ZNF69: variants seen among roughly 807,000 people sequenced by gnomAD.
ZNF69 encodes the protein zinc finger protein 69, also known as ZNF3.
Under a neutral mutation model 50.9 loss-of-function variants are expected in ZNF69, and 47 were observed. That is an observed-to-expected ratio of 0.92 (90% CI 0.73 to 1.18). The LOEUF is 1.18. Ranked by LOEUF, ZNF69 falls within the 50% of genes most tolerant of loss-of-function variation. ZNF69 has a pLI of 0.00. For synonymous variants in ZNF69, 216 were observed against 223.1 expected (o/e 0.97, Z 0.29); for missense variants, 717 against 675.1 (o/e 1.06, Z -0.69).
At chr19:11,951,251 G>GAT in the ZNF69 span, among the ~76,000 whole-genome samples, 1 of 117,238 alleles carries the variant, frequency 8.5e-6, no homozygotes, top group Non-Finnish European at 1.7e-5. Flanking sequence ...TTTTTTTTCT[G>GAT]ATAGTCTCAT....
exon 5 of ZNF69, chr19:11,913,940 T>G (rs949893281): frequency 2.6e-5 from 4 of 152,200 alleles, no homozygotes; most frequent in African/African-American, 9.7e-5. Context: ...TTTAGAAATA[T>G]AGTTACAAAA....
chr19:11,890,656 C>T (rs969029174), intron 1 of ZNF69, among the ~76,000 whole-genome samples: 7 of 152,192 alleles, frequency 4.6e-5, no homozygotes, highest in African/African-American at 1.7e-4. Context: ...GATGGGGTTT[C>T]ACCATGTTGG....
the ZNF69 span, chr19:11,965,191 A>G: frequency 6.2e-7 from 1 of 1,614,046 alleles, no homozygotes; most frequent in Non-Finnish European, 8.5e-7. Context: ...GGACCCCAGG[A>G]CATCTGAAAG....
intron 1 of ZNF69, among the ~76,000 whole-genome samples, chr19:11,892,135 ATTTTTTTTTTT>A: frequency 8.8e-6 from 1 of 113,920 alleles, no homozygotes; most frequent in African/African-American, 3.5e-5. Context: ...CTCCTGGCTG[ATTTTTTTTTTT>A]TTTTTTTTTT....
chr19:11,950,511 T>A, the ZNF69 span: 1 of 582,438 alleles, frequency 1.7e-6, no homozygotes, highest in Non-Finnish European at 3.2e-6. Context: ...TGAAAGGACT[T>A]ACACTGGAGT....
At chr19:11,925,102 G>A in the ZNF69 span, 2 of 1,319,030 alleles carry the variant, frequency 1.5e-6, no homozygotes. Context: ...GGAGGGGGTC[G>A]CTTTCCTCAC....
chr19:11,948,907 A>G, the ZNF69 span: 1 of 1,605,742 alleles, frequency 6.2e-7, no homozygotes, highest in Non-Finnish European at 8.5e-7. Flanking sequence ...TTCCTATCAT[A>G]GACATGAAAG....
the ZNF69 span, among the ~76,000 whole-genome samples, chr19:11,944,013 A>G: frequency 6.6e-6 from 1 of 151,898 alleles, no homozygotes; most frequent in Admixed American, 6.6e-5. Context: ...CTCTACCTTC[A>G]CGGTGGTGTG....
downstream of ZNF69, among the ~76,000 whole-genome samples, chr19:11,917,076 C>T (rs2145259680): frequency 6.6e-6 from 1 of 152,270 alleles, no homozygotes; most frequent in East Asian, 1.9e-4. Flanking sequence ...GATGCAGTTG[C>T]TGAGAAGTAC....
chr19:11,934,481 T>G, the ZNF69 span, among the ~76,000 whole-genome samples: 3 of 148,428 alleles, frequency 2.0e-5, no homozygotes, highest in Admixed American at 2.0e-4. Context: ...CACCAGGTAT[T>G]TGCTGCTGCC....
chr19:11,892,359 T>G (rs958443778), intron 1 of ZNF69, among the ~76,000 whole-genome samples: 1 of 152,052 alleles, frequency 6.6e-6, no homozygotes, highest in Admixed American at 6.6e-5. Context: ...TATTTCCTTT[T>G]CAATTTAAAA....
At chr19:11,921,493 T>C in the ZNF69 span, among the ~76,000 whole-genome samples, 3 of 150,836 alleles carry the variant, frequency 2.0e-5, no homozygotes, top group Non-Finnish European at 4.4e-5. Context: ...TTCTTTTGTT[T>C]GTTTGTTTGT....
chr19:11,967,815 G>T, the ZNF69 span, among the ~76,000 whole-genome samples: 1 of 152,250 alleles, frequency 6.6e-6, no homozygotes, highest in African/African-American at 2.4e-5. Context: ...TTTTTGTTAT[G>T]TAGGGGTCTT....
At chr19:11,961,659 A>G in the ZNF69 span, 1 of 150,572 alleles carries the variant, frequency 6.6e-6, no homozygotes, top group Admixed American at 6.6e-5. Context: ...TCTGTTGCCT[A>G]GGCTGGAGTA....
At chr19:11,948,467 A>G in the ZNF69 span, 4 of 1,614,034 alleles carry the variant, frequency 2.5e-6, no homozygotes, top group African/African-American at 1.3e-5. Context: ...ATCAGAGGTG[A>G]CACTGGACAC....
At chr19:11,902,152 T>C (rs1262897210) in intron 1 of ZNF69, among the ~76,000 whole-genome samples, 1 of 152,016 alleles carries the variant, frequency 6.6e-6, no homozygotes, top group African/African-American at 2.4e-5. Context: ...CCGGGTAATT[T>C]TGTATTTTTA....
At chr19:11,889,530 A>G (rs1326866934) in intron 1 of ZNF69, among the ~76,000 whole-genome samples, 1 of 152,206 alleles carries the variant, frequency 6.6e-6, no homozygotes, top group Non-Finnish European at 1.5e-5. Context: ...CAATGGCTCA[A>G]TCTCGGCTCA....
rs1343349867 is a variant in ZNF69, at chr19:11,905,558, C to G, written c.1161C>G (p.Pro387=). The G allele has an allele frequency of 1.9e-6, 3 of 1,613,480 alleles. No homozygotes were observed. Among genetic ancestry groups the G allele is most frequent in the African/African-American group, 2.7e-5 (2 of 74,730 alleles). The change falls in exon 4 of 4, where the codon CCC becomes CCG. Residue 387 remains proline (P), a synonymous_variant. Coordinates refer to ENST00000429654, the MANE Select transcript of ZNF69 (RefSeq NM_001364730.1). ...RHEKTHSGEK[P]YKCKQCGKAF... ...AAAAAACTCACAGTGGAGAGAAACC[C>G]TATAAATGCAAGCAATGTGGTAAAG...
the ZNF69 span, among the ~76,000 whole-genome samples, chr19:11,965,439 C>T: frequency 5.5e-4 from 84 of 152,300 alleles, 2 homozygotes; most frequent in South Asian, 0.012. Context: ...GCGGCCCCGC[C>T]CCGGAGCCCT....
Sources: gnomAD v4.1 joint callset for allele counts (sites outside exome capture counted in the v4.1 genomes callset) on GRCh38, gnomAD v4.1.1 for gene constraint, MANE v1.5 for transcripts, NCBI Gene and HGNC (gene_info 2026-07-23, HGNC 2026-07-21) for gene names.